Variants in NOXA1 observed in about 807,000 individuals in gnomAD.
NOXA1 encodes NADPH oxidase activator 1.
NOXA1 carries 56 observed loss-of-function variants against 64.8 expected under a neutral mutation model. That is an observed-to-expected ratio of 0.86 (90% CI 0.70 to 1.08). The LOEUF (loss-of-function observed/expected upper bound fraction) is 1.08. Ranked by LOEUF, NOXA1 falls within the 50% of genes least tolerant of loss-of-function variation. The pLI is 0.00. For missense variants in NOXA1, 668 were observed against 658.5 expected, an observed-to-expected ratio of 1.01 and a Z score of -0.16; for synonymous variants, 295 against 294.8, an observed-to-expected ratio of 1.00 and a Z score of -0.01.
Position 137,431,158 on chromosome 9 carries a change from T to A in NOXA1, c.698+58T>A. Reference sequence around the variant, plus strand: ...TGCCTTTCCTGCTGGGCAGAGGCCCTCCACATGGGGCCACGCGGGCCGGGC... The same window carrying A: ...TGCCTTTCCTGCTGGGCAGAGGCCCACCACATGGGGCCACGCGGGCCGGGC... On this transcript the variant is annotated intron_variant, in intron 7 of 13. Transcript: ENST00000683555. The surrounding 1 kb of genome is among the most constrained non-coding windows in gnomAD (Gnocchi z 5.6). 6.2e-7 allele frequency: 1 copy of A among 1,611,506 alleles called. No homozygotes were observed. Among genetic ancestry groups the A allele is most frequent in the Non-Finnish European group, 8.5e-7 (1 of 1,179,080 alleles).
chr9:137,433,574 C>A lies in NOXA1; in HGVS notation c.1031C>A (p.Ala344Asp), dbSNP rs1199614610. The change falls in exon 11 of 14, where the codon GCC becomes GAC. Residue 344 changes from alanine (A) to aspartate (D), a missense_variant. Ala to Asp is a moderately radical substitution (Grantham distance 126). Transcript: ENST00000683555. ...LSSLRALLGQ[A>D]LPHQAQLGQL... ...AGCCTGCGGGCACTGCTGGGCCAAGCCCTCCCTCACCAGGCCCAGCTTGGG... is the reference window on the plus strand; with the variant it reads ...AGCCTGCGGGCACTGCTGGGCCAAGACCTCCCTCACCAGGCCCAGCTTGGG... 2 of 1,560,858 alleles carry A rather than the reference C, an allele frequency of 1.3e-6. No individual in the cohort carries two copies. The highest frequency in any genetic ancestry group is 2.3e-5 in the South Asian group (2 of 85,198).
chr9:137,423,699 C>A lies in NOXA1; in HGVS notation c.170C>A (p.Ala57Glu). The change falls in exon 1 of 14, where the codon GCG (alanine) becomes GAG (glutamate). Residue 57 changes from alanine (A) to glutamate (E), a missense_variant. Transcript: ENST00000683555. Reference sequence around the variant, plus strand: ...CTGCTGGCCGGGGACCCCGAGGCCGCGCTGCGGGTGAGCGGGGCGTGGGGA... The same window carrying A: ...CTGCTGGCCGGGGACCCCGAGGCCGAGCTGCGGGTGAGCGGGGCGTGGGGA... Reference protein sequence around the residue: ...VHLLAGDPEAALRAFDQAVTK... With the variant: ...VHLLAGDPEAELRAFDQAVTK... 1 of 1,317,314 alleles carries A rather than the reference C, an allele frequency of 7.6e-7. No homozygotes were observed. Among genetic ancestry groups the A allele is most frequent in the Non-Finnish European group, 9.7e-7 (1 of 1,034,934 alleles). 81.6% of individuals were successfully genotyped at this position (1,317,314 alleles called of 1,614,324 possible). A position where few individuals can be genotyped will look rare whatever the true frequency, so the allele number is the denominator to read the frequency against.
rs1838681224 is a variant in NOXA1, at chr9:137,423,708, T to G, written c.177+2T>G. ...GGGGACCCCGAGGCCGCGCTGCGGG[T>G]GAGCGGGGCGTGGGGAGGCCGGTGC... On this transcript the variant is annotated splice_donor_variant, in intron 1 of 13. Transcript: ENST00000683555. LOFTEE classifies it high-confidence loss of function. 7.7e-7 allele frequency: 1 copy of G among 1,300,740 alleles called. No individual in the cohort carries two copies. Among genetic ancestry groups the G allele is most frequent in the African/African-American group, 1.6e-5 (1 of 63,872 alleles). 80.6% of individuals were successfully genotyped at this position (1,300,740 alleles called of 1,614,324 possible).
chr9:137,432,976 C>A, intron 8 of NOXA1, 53 bp from the exon 9 acceptor site: 1 of 1,594,772 alleles, frequency 6.3e-7, no homozygotes, highest in Non-Finnish European at 8.6e-7. Context: ...AGGACAGTAC[C>A]GGCCTCCAGC....
At position 137,431,529 on chromosome 9, in the gene NOXA1, G is replaced by T. The variant is rs1487953199; in HGVS notation, c.804+188G>T. ...GAGGATGCCTGGCTGTGCCCGAGGC[G>T]AGTGGGCATTGGCCATCAGGACAGG... On this transcript the variant is annotated intron_variant, in intron 8 of 13. Coordinates refer to ENST00000683555, the MANE Select transcript of NOXA1 (RefSeq NM_001256067.2). The surrounding 1 kb of genome is among the most constrained non-coding windows in gnomAD (Gnocchi z 5.6). Among the ~76,000 whole-genome samples, 1 of 152,188 alleles carries T rather than the reference G, an allele frequency of 6.6e-6. No individual in the cohort carries two copies. The highest frequency in any genetic ancestry group is 2.4e-5 in the African/African-American group (1 of 41,448).
chr9:137,427,477 C>G (rs941601442), intron 2 of NOXA1, among the ~76,000 whole-genome samples: 1 of 152,218 alleles, frequency 6.6e-6, no homozygotes, highest in Admixed American at 6.5e-5. Context: ...GGCAGATGAA[C>G]GAAAAAGCCA....
chr9:137,433,217 T>TGG lies in NOXA1; in HGVS notation c.869_870dup (p.Pro291GlyfsTer25), dbSNP rs773184989. 4 of 1,605,544 alleles carry TGG rather than the reference T, an allele frequency of 2.5e-6. No individual in the cohort carries two copies. Among genetic ancestry groups the TGG allele is most frequent in the Non-Finnish European group, 3.4e-6 (4 of 1,176,810 alleles). The stretch of plus-strand genomic sequence containing the variant: ...CTCTGTCCTACAGGGCTGCCGGCAA[T>TGG]GGGGGGGCCTGGCCCCGGCCCCTGT... On this transcript the variant is annotated frameshift_variant, in exon 10 of 14. Coordinates refer to ENST00000683555, the MANE Select transcript of NOXA1 (RefSeq NM_001256067.2). LOFTEE classifies it high-confidence loss of function.
chr9:137,433,159 C>A, intron 9 of NOXA1, 46 bp from the exon 10 acceptor site: 1 of 1,608,812 alleles, frequency 6.2e-7, no homozygotes, highest in Non-Finnish European at 8.5e-7. Context: ...ACCCACAGGG[C>A]CCACTTTGGT....
In NOXA1 at chr9:137,434,113, G is replaced by A. The variant is rs368586394; in HGVS notation, c.1294+34G>A. 3.4e-4 allele frequency: 539 copies of A among 1,583,684 alleles called. 1 individual carries two copies. The African/African-American group carries it at 6.4e-3, about 19-fold the overall frequency. On this transcript the variant is annotated intron_variant, in intron 13 of 13. Coordinates refer to ENST00000683555, the MANE Select transcript of NOXA1 (RefSeq NM_001256067.2). ...GGCATGGCCCTTCCCAGGCAGCACC[G>A]TGGTGCCCGGGGTGTGGGGGGCTTA...
chr9:137,433,463 CA>C lies in NOXA1; in HGVS notation c.921del (p.Gly309AlafsTer6). On this transcript the variant is annotated frameshift_variant, in exon 11 of 14. Transcript: ENST00000683555. LOFTEE classifies it high-confidence loss of function. ...CCTGCCTGGACCCAGGGAGCAGGTG[CA>C]GGGGGCTCCGAGCCCCTGGTGACTG... The part of the protein sequence containing the change: ...EDPAGAGGAG[A>X]GGSEPLVTVT... 6.2e-7 allele frequency: 1 copy of C among 1,601,370 alleles called. No homozygotes were observed. The highest frequency in any genetic ancestry group is 8.5e-7 in the Non-Finnish European group (1 of 1,177,878).
rs1433942830 is a variant in NOXA1, at chr9:137,431,206, AG to A, written c.699-27del. On this transcript the variant is annotated intron_variant, in intron 7 of 13. Coordinates refer to ENST00000683555, the MANE Select transcript of NOXA1 (RefSeq NM_001256067.2). This position sits in a 1 kb window ranked among gnomAD's most constrained non-coding sequence, Gnocchi z 5.6. ...GGCACAGGAGGGCAGTCAGATGGGC[AG>A]GGCCTGAGAGCCTCCCTCCTCTCCC... The A allele has an allele frequency of 6.2e-7, 1 of 1,608,490 alleles. No individual in the cohort carries two copies. Among genetic ancestry groups the A allele is most frequent in the Non-Finnish European group, 8.5e-7 (1 of 1,176,498 alleles).
rs1839112787 is a variant in NOXA1 at position 137,431,593 on chromosome 9, G to A, written c.804+252G>A. ...CCAGTGGAGACATCCACGTAGCCCTGCAGGCCCTCAGCCCCCAGGACCACC... is the reference window on the plus strand; with the variant it reads ...CCAGTGGAGACATCCACGTAGCCCTACAGGCCCTCAGCCCCCAGGACCACC... On this transcript the variant is annotated intron_variant, in intron 8 of 13. Transcript: ENST00000683555. This position sits in a 1 kb window ranked among gnomAD's most constrained non-coding sequence, Gnocchi z 5.6. 6.6e-6 allele frequency among the ~76,000 whole-genome samples: 1 copy of A among 152,202 alleles called. No homozygotes were observed. The highest frequency in any genetic ancestry group is 2.1e-4 in the South Asian group (1 of 4,836).
In NOXA1 at chr9:137,431,241, T is replaced by C. The variant is rs765244439; in HGVS notation, c.704T>C (p.Leu235Pro). The change falls in exon 8 of 14, where the codon CTA becomes CCA. Residue 235 changes from leucine (L) to proline (P), a missense_variant. By Grantham distance (98) the Leu-to-Pro change is moderately conservative. Transcript: ENST00000683555. This position sits in a 1 kb window ranked among gnomAD's most constrained non-coding sequence, Gnocchi z 5.6. Reference protein sequence around the residue: ...GPGANHDARSLIMDSPRAGTH... With the variant: ...GPGANHDARSPIMDSPRAGTH... ...AGCCTCCCTCCTCTCCCTAGGTCCC[T>C]AATCATGGACTCCCCAAGAGCTGGC... The C allele has an allele frequency of 6.2e-7, 1 of 1,612,470 alleles. No individual in the cohort carries two copies. Among genetic ancestry groups the C allele is most frequent in the Non-Finnish European group, 8.5e-7 (1 of 1,179,614 alleles).
At position 137,433,042 on chromosome 9, in the gene NOXA1, A is replaced by T; in HGVS notation, c.818A>T (p.Glu273Val). ...TAYQEQRPQVEQVGKQAPLSP... is the reference protein window; with the variant it reads ...TAYQEQRPQVVQVGKQAPLSP... Reference sequence around the variant, plus strand: ...CTTCTCTTGCAGAGGCCCCAGGTGGAGCAAGTTGGCAAACAGGCTCCTCTC... The same window carrying T: ...CTTCTCTTGCAGAGGCCCCAGGTGGTGCAAGTTGGCAAACAGGCTCCTCTC... The change falls in exon 9 of 14, where the codon GAG (glutamate) becomes GTG (valine). Residue 273 changes from glutamate (E) to valine (V), a missense_variant. Coordinates refer to ENST00000683555, the MANE Select transcript of NOXA1 (RefSeq NM_001256067.2). 1 of 1,612,704 alleles carries T rather than the reference A, an allele frequency of 6.2e-7. No homozygotes were observed. The highest frequency in any genetic ancestry group is 1.1e-5 in the South Asian group (1 of 91,060).
intron 8 of NOXA1, among the ~76,000 whole-genome samples, chr9:137,432,718 G>A (rs368694698): frequency 1.1e-3 from 166 of 152,364 alleles, no homozygotes; most frequent in African/African-American, 3.8e-3. Flanking sequence ...CACAGAGGCC[G>A]GGGCCCAGGG....
intron 9 of NOXA1, 47 bp from the exon 10 acceptor site, chr9:137,433,158 G>T (rs1425222382): frequency 6.2e-7 from 1 of 1,608,966 alleles, no homozygotes; most frequent in African/African-American, 1.3e-5. Flanking sequence ...CACCCACAGG[G>T]CCCACTTTGG....
Position 137,433,547 on chromosome 9 carries a change from C to T in NOXA1, c.1004C>T (p.Ser335Phe). The change falls in exon 11 of 14, where the codon TCC becomes TTC. Residue 335 changes from serine to phenylalanine, a missense_variant. By Grantham distance (155) the Ser-to-Phe change is radical (BLOSUM62 -2). Transcript: ENST00000683555. Reference sequence around the variant, plus strand: ...AGGGCACGAAGAGGAGCCGACCTGTCCAGCCTGCGGGCACTGCTGGGCCAA... The same window carrying T: ...AGGGCACGAAGAGGAGCCGACCTGTTCAGCCTGCGGGCACTGCTGGGCCAA... Reference protein sequence around the residue: ...ALRARRGADLSSLRALLGQAL... With the variant: ...ALRARRGADLFSLRALLGQAL... The T allele has an allele frequency of 2.5e-6, 4 of 1,579,912 alleles. No individual in the cohort carries two copies. The highest frequency in any genetic ancestry group is 3.4e-6 in the Non-Finnish European group (4 of 1,165,664).
Position 137,431,174 on chromosome 9 carries a change from C to A in NOXA1, c.699-62C>A, listed in dbSNP as rs532820702. 6.8e-6 allele frequency: 11 copies of A among 1,609,788 alleles called. No homozygotes were observed. Among genetic ancestry groups the A allele is most frequent in the African/African-American group, 2.7e-5 (2 of 74,960 alleles). ...CAGAGGCCCTCCACATGGGGCCACG[C>A]GGGCCGGGCACAGGAGGGCAGTCAG... On this transcript the variant is annotated intron_variant, in intron 7 of 13. Transcript: ENST00000683555. This position sits in a 1 kb window ranked among gnomAD's most constrained non-coding sequence, Gnocchi z 5.6.
Position 137,423,807 on chromosome 9 carries a change from G to A in NOXA1, c.177+101G>A, listed in dbSNP as rs765266980. 33 of 1,010,318 alleles carry A rather than the reference G, an allele frequency of 3.3e-5. No individual in the cohort carries two copies. In the African/African-American group the frequency reaches 5.1e-4, roughly 16 times the overall value. The allele number at this position is 1,010,318 out of a possible 1,614,324, so 62.6% of individuals were successfully genotyped here. A position where few individuals can be genotyped will look rare whatever the true frequency, so the allele number is the denominator to read the frequency against. On this transcript the variant is annotated intron_variant, in intron 1 of 13. Coordinates refer to ENST00000683555, the MANE Select transcript of NOXA1 (RefSeq NM_001256067.2). ...CCGACCGTCACGGGGTCGCCCTGCC[G>A]CCCCCGACCCAGCGAACGCCCCGGC...
Sources: allele counts gnomAD v4.1 joint callset (sites outside exome capture counted in the v4.1 genomes callset), GRCh38; gene constraint gnomAD v4.1.1; non-coding constraint Gnocchi (gnomAD v3.1); transcripts MANE v1.5; gene names NCBI Gene and HGNC (gene_info 2026-07-23, HGNC 2026-07-21).